ADAMTS12: variants seen among roughly 807,000 people sequenced by gnomAD.
ADAMTS12 encodes the protein ADAM metallopeptidase with thrombospondin type 1 motif 12, also known as A disintegrin and metalloproteinase with thrombospondin motifs 12.
A neutral mutation model predicts 167.8 loss-of-function variants in ADAMTS12; 118 were observed. The ratio of observed to expected loss-of-function variants is 0.70; its 90% CI spans 0.61 to 0.82. ADAMTS12 has a LOEUF of 0.82. Ranked by LOEUF, ADAMTS12 falls within the 40% of genes least tolerant of loss-of-function variation. The pLI, the probability that ADAMTS12 is intolerant of heterozygous loss-of-function variation, is 0.00. For synonymous variants in ADAMTS12, 704 were observed against 716.9 expected, an observed-to-expected ratio of 0.98 and a Z score of 0.29; for missense variants, 1,916 against 1,998.8, an observed-to-expected ratio of 0.96 and a Z score of 0.79.
chr5:33,613,790 A>G (rs999576204), intron 16 of ADAMTS12, among the ~76,000 whole-genome samples: 19 of 152,194 alleles, frequency 1.2e-4, no homozygotes, highest in African/African-American at 4.3e-4. Flanking sequence ...CTCCTCTGCT[A>G]TATGTATAAA....
At chr5:33,565,130 C>A (rs1745948088) in intron 19 of ADAMTS12, among the ~76,000 whole-genome samples, 1 of 152,042 alleles carries the variant, frequency 6.6e-6, no homozygotes, top group East Asian at 1.9e-4. Context: ...ATTCTGAACC[C>A]TGACCCTCTC....
At chr5:33,695,244 G>C (rs181511119) in intron 3 of ADAMTS12, among the ~76,000 whole-genome samples, 57 of 152,270 alleles carry the variant, frequency 3.7e-4, no homozygotes, top group Non-Finnish European at 6.2e-4. Context: ...TAATCAGCCT[G>C]GCTGTTTTAT....
chr5:33,603,567 GAGA>G (rs556864201), intron 16 of ADAMTS12: 2 of 152,294 alleles, frequency 1.3e-5, no homozygotes, highest in South Asian at 2.1e-4. Flanking sequence ...GCTGAGGGGA[GAGA>G]AGAACAGACA....
chr5:33,851,356 G>T (rs1202316205), intron 2 of ADAMTS12, among the ~76,000 whole-genome samples: 1 of 152,122 alleles, frequency 6.6e-6, no homozygotes, highest in Non-Finnish European at 1.5e-5. Context: ...AGCTTGCAGT[G>T]AGCCGAGATC....
chr5:33,684,016 T>A lies in ADAMTS12; in HGVS notation c.674A>T (p.Glu225Val), dbSNP rs201835826. Residue 225 changes from glutamate to valine, a missense_variant, in exon 4 of 24, where the codon GAG (glutamate) becomes GTG (valine). By Grantham distance (121) the Glu-to-Val change is moderately radical. Transcript: ENST00000504830. Reference protein sequence around the residue: ...NISQKQELWREKWERHNLPSR... With the variant: ...NISQKQELWRVKWERHNLPSR... ...TGGCAAGTTGTGCCTCTCCCACTTCTCCCGCCATAGCTCTTGCTTCTGGGA... is the reference window on the plus strand; with the variant it reads ...TGGCAAGTTGTGCCTCTCCCACTTCACCCGCCATAGCTCTTGCTTCTGGGA... The A allele has an allele frequency of 1.9e-6, 3 of 1,599,480 alleles. No individual in the cohort carries two copies. Among genetic ancestry groups the A allele is most frequent in the Non-Finnish European group, 2.6e-6 (3 of 1,172,764 alleles).
rs148348313 is a variant in ADAMTS12 at position 33,704,815 on chromosome 5, C to T, written c.635-20760G>A. Among the ~76,000 whole-genome samples, 312 of 152,182 alleles carry T rather than the reference C, an allele frequency of 2.1e-3. 2 individuals carry two copies. The highest frequency in any genetic ancestry group is 7.1e-3 in the African/African-American group (294 of 41,536). ...TCCATTTTGTTAATTGTGTCTTTTG[C>T]TGTGCAAAAGATTTTTAGTTTGATA... On this transcript the variant is annotated intron_variant, in intron 3 of 23. Coordinates refer to ENST00000504830, the MANE Select transcript of ADAMTS12 (RefSeq NM_030955.4).
chr5:33,687,371 G>A (rs1441729459), intron 3 of ADAMTS12, among the ~76,000 whole-genome samples: 3 of 152,144 alleles, frequency 2.0e-5, no homozygotes, highest in African/African-American at 4.8e-5. Context: ...TGAAGGACCC[G>A]AGGCTCAAAA....
chr5:33,558,168 A>G (rs1435139951), intron 20 of ADAMTS12, among the ~76,000 whole-genome samples: 2 of 152,164 alleles, frequency 1.3e-5, no homozygotes, highest in African/African-American at 4.8e-5. Context: ...CAGTCCGTGG[A>G]AAAAGAATTT....
chr5:33,610,791 G>C lies in ADAMTS12; in HGVS notation c.2527+3447C>G, dbSNP rs191589060. On this transcript the variant is annotated intron_variant, in intron 16 of 23. Coordinates refer to ENST00000504830, the MANE Select transcript of ADAMTS12 (RefSeq NM_030955.4). ...TTAAAATAAATGTATGAGAGACTGG[G>C]CACAGTGGCTCATGCCTGTAATTCC... 2.1e-3 allele frequency among the ~76,000 whole-genome samples: 315 copies of C among 152,294 alleles called. 3 individuals carry two copies. The highest frequency in any genetic ancestry group is 7.4e-3 in the African/African-American group (306 of 41,564).
chr5:33,682,845 G>A (rs76984535), intron 5 of ADAMTS12, among the ~76,000 whole-genome samples, 173 bp downstream of exon 5: 5,194 of 151,942 alleles, frequency 0.034, 303 homozygotes, highest in African/African-American at 0.12. Flanking sequence ...TCCACATCCC[G>A]CTCAGTATCA....
chr5:33,738,694 C>T (rs1156866676), intron 3 of ADAMTS12, among the ~76,000 whole-genome samples: 1 of 152,216 alleles, frequency 6.6e-6, no homozygotes, highest in African/African-American at 2.4e-5. Context: ...GGTCAGTTTC[C>T]ACATCGCAGC....
chr5:33,573,333 T>A (rs1205684628), intron 19 of ADAMTS12, among the ~76,000 whole-genome samples: 2 of 152,250 alleles, frequency 1.3e-5, no homozygotes, highest in Non-Finnish European at 2.9e-5. Context: ...GGCATCACGC[T>A]ACCTGACTTC....
At chr5:33,545,119 G>A (rs1744906413) in intron 22 of ADAMTS12, among the ~76,000 whole-genome samples, 1 of 152,134 alleles carries the variant, frequency 6.6e-6, no homozygotes, top group African/African-American at 2.4e-5. Flanking sequence ...ATCTGACAAA[G>A]GGCTAATATC....
intron 3 of ADAMTS12, among the ~76,000 whole-genome samples, chr5:33,733,576 G>T (rs1744269312): frequency 6.6e-6 from 1 of 152,190 alleles, no homozygotes; most frequent in African/African-American, 2.4e-5. Context: ...CTGGAAACCA[G>T]CTTTGAATGG....
At chr5:33,726,380 C>A (rs988086503) in intron 3 of ADAMTS12, among the ~76,000 whole-genome samples, 1 of 152,210 alleles carries the variant, frequency 6.6e-6, no homozygotes, top group African/African-American at 2.4e-5. Context: ...AACTCACCAC[C>A]AAAACCCACC....
intron 22 of ADAMTS12, among the ~76,000 whole-genome samples, chr5:33,540,528 G>A (rs1457268801): frequency 1.3e-5 from 2 of 152,112 alleles, no homozygotes; most frequent in African/African-American, 2.4e-5. Flanking sequence ...TGACCCTTGT[G>A]TAGCCTAACT....
chr5:33,576,280 A>G lies in ADAMTS12; in HGVS notation c.3746T>C (p.Leu1249Pro), dbSNP rs772051667. ...TGGCTGGTGGTCTCCTCCCAGAGGGAGCAGAGTGTTGGCTGGCTTTTCAGT... is the reference window on the plus strand; with the variant it reads ...TGGCTGGTGGTCTCCTCCCAGAGGGGGCAGAGTGTTGGCTGGCTTTTCAGT... ...MVTEKPANTL[L>P]PLGGDHQPEP... The change falls in exon 19 of 24, where the codon CTC becomes CCC. Residue 1249 changes from leucine to proline, a missense_variant. Leu to Pro is a moderately conservative substitution (Grantham distance 98). Coordinates refer to ENST00000504830, the MANE Select transcript of ADAMTS12 (RefSeq NM_030955.4). 19 of 1,613,990 alleles carry G rather than the reference A, an allele frequency of 1.2e-5. No homozygotes were observed. The highest frequency in any genetic ancestry group is 6.7e-5 in the Admixed American group (4 of 60,000).
intron 7 of ADAMTS12, among the ~76,000 whole-genome samples, chr5:33,650,307 T>G (rs1040940125): frequency 9.2e-5 from 14 of 152,146 alleles, no homozygotes; most frequent in African/African-American, 3.4e-4. Flanking sequence ...ACTTGCCTCA[T>G]TTTCTTCTCC....
At chr5:33,779,774 C>A (rs1204855278) in intron 2 of ADAMTS12, among the ~76,000 whole-genome samples, 2 of 152,018 alleles carry the variant, frequency 1.3e-5, no homozygotes, top group Non-Finnish European at 2.9e-5. Flanking sequence ...AACAGTTGAA[C>A]TTATAGGAGA....
Sources: gnomAD v4.1 joint callset for allele counts (sites outside exome capture counted in the v4.1 genomes callset) on GRCh38, gnomAD v4.1.1 for gene constraint, MANE v1.5 for transcripts, NCBI Gene and HGNC (gene_info 2026-07-23, HGNC 2026-07-21) for gene names.